Variants in MPDZ observed in about 807,000 individuals in gnomAD.
MPDZ encodes multiple PDZ domain protein.
A neutral mutation model predicts 239.1 loss-of-function variants in MPDZ; 234 were observed. That is an observed-to-expected ratio of 0.98 (90% CI 0.88 to 1.09). The LOEUF is 1.09. Ranked by LOEUF, MPDZ falls within the 50% of genes least tolerant of loss-of-function variation. MPDZ has a pLI of 0.00. For synonymous variants in MPDZ, 1,048 were observed against 881.3 expected (o/e 1.19, Z -3.35); for missense variants, 3,175 against 2,510.0 (o/e 1.26, Z -5.66).
At chr9:13,151,838 A>G (rs1219218981) in intron 24 of MPDZ, among the ~76,000 whole-genome samples, 1 of 152,016 alleles carries the variant, frequency 6.6e-6, no homozygotes, top group Non-Finnish European at 1.5e-5. Flanking sequence ...AATGTCATAT[A>G]TGTTAATTTT....
Position 13,138,082 on chromosome 9 carries a change from C to A in MPDZ, c.4075G>T (p.Gly1359Cys), listed in dbSNP as rs745696435. Residue 1359 changes from glycine to cysteine, a missense_variant, in exon 29 of 47, where the codon GGT becomes TGT. Gly to Cys is a radical substitution (Grantham distance 159). Transcript: ENST00000319217. ...HMIELEKGHS[G>C]LGLSLAGNKD... ...TTCCCAGCAAGACTTAGGCCCAAAC[C>A]ACTATGACCTTTCTCCAGTTCAATC... 1 of 1,613,662 alleles carries A rather than the reference C, an allele frequency of 6.2e-7. No homozygotes were observed. The highest frequency in any genetic ancestry group is 2.2e-5 in the East Asian group (1 of 44,834).
Position 13,107,012 on chromosome 9 carries a change from T to C in MPDZ, c.6166A>G (p.Ile2056Val), listed in dbSNP as rs375734908. ...EGVTHEEAVAILKRTKGTVTL... is the reference protein window; with the variant it reads ...EGVTHEEAVAVLKRTKGTVTL... ...ACAGTGCCTTTTGTCCGTTTAAGGA[T>C]GGCAACAGCTTCTTCATGGGTGACT... Residue 2056 changes from isoleucine (I) to valine (V), a missense_variant, in exon 47 of 47, where the codon ATC becomes GTC. Ile to Val is a conservative substitution (Grantham distance 29). Transcript: ENST00000319217. 14 of 1,613,430 alleles carry C rather than the reference T, an allele frequency of 8.7e-6. No homozygotes were observed. Among genetic ancestry groups the C allele is most frequent in the Non-Finnish European group, 1.2e-5 (14 of 1,179,544 alleles).
rs34605667 is a variant in MPDZ, at chr9:13,112,025, C to T, written c.5723G>A (p.Arg1908Lys). 0.039 allele frequency: 62,186 copies of T among 1,613,092 alleles called. 1,421 individuals are homozygous for T. Among genetic ancestry groups the T allele is most frequent in the Non-Finnish European group, 0.044 (51,323 of 1,179,304 alleles). ...TCTAGGGTTGATAGTACGACTCACT[C>T]TGAGTTTTTGGGTCTGTGCTGCAAC... is the stretch of plus-strand genomic sequence containing the variant. ...TGVAAQTQKL[R>K]VGDRIVTICG... Residue 1908 changes from arginine (R) to lysine (K), a missense_variant and splice_region_variant, in exon 43 of 47, where the codon AGA becomes AAA. Coordinates refer to ENST00000319217, the MANE Select transcript of MPDZ (RefSeq NM_001378778.1).
At chr9:13,192,758 A>G (rs897810160) in intron 14 of MPDZ, among the ~76,000 whole-genome samples, 1 of 152,208 alleles carries the variant, frequency 6.6e-6, no homozygotes, top group African/African-American at 2.4e-5. Flanking sequence ...GCAGATTACA[A>G]AGAAGCAAAT....
At chr9:13,248,282 A>G (rs749354443) in intron 2 of MPDZ, among the ~76,000 whole-genome samples, 3 of 151,994 alleles carry the variant, frequency 2.0e-5, no homozygotes, top group Admixed American at 2.0e-4. Context: ...TGGAGTACAA[A>G]AATACAAAAC....
chr9:13,219,369 C>A (rs1485313474), intron 8 of MPDZ, among the ~76,000 whole-genome samples, 190 bp downstream of exon 8: 3 of 151,866 alleles, frequency 2.0e-5, no homozygotes, highest in Non-Finnish European at 4.4e-5. Context: ...ACCTATTTTT[C>A]ATTTGTTTTA....
intron 10 of MPDZ, among the ~76,000 whole-genome samples, chr9:13,207,256 A>G (rs895820740): frequency 1.4e-4 from 22 of 152,180 alleles, no homozygotes; most frequent in African/African-American, 5.3e-4. Flanking sequence ...TTTCCAAAAT[A>G]TAGATATGAT....
At chr9:13,134,703 CCTCT>C (rs1438194057) in intron 31 of MPDZ, 3 of 152,158 alleles carry the variant, frequency 2.0e-5, no homozygotes, top group African/African-American at 7.3e-5. Context: ...CTAGCCACTG[CCTCT>C]CTCTCTCCTT....
chr9:13,259,378 G>A (rs1209486377), intron 1 of MPDZ, among the ~76,000 whole-genome samples: 2 of 152,088 alleles, frequency 1.3e-5, no homozygotes, highest in Non-Finnish European at 1.5e-5. Context: ...AAGGTCAAGG[G>A]AGTAGAAAAG....
In MPDZ at chr9:13,122,050, C is replaced by A. The variant is rs780100395; in HGVS notation, c.5037+37G>T. On this transcript the variant is annotated intron_variant, in intron 37 of 46. Transcript: ENST00000319217. The stretch of plus-strand genomic sequence containing the variant: ...AACACTCCCCCCAGGAGCCTTTTCT[C>A]TGTTAATTTTGAAGGTCAAAAACAG... 5 of 1,610,142 alleles carry A rather than the reference C, an allele frequency of 3.1e-6. No individual in the cohort carries two copies. The South Asian group carries it at 5.5e-5, about 18-fold the overall frequency.
intron 10 of MPDZ, among the ~76,000 whole-genome samples, chr9:13,211,669 A>G (rs1957634632): frequency 6.6e-6 from 1 of 152,126 alleles, no homozygotes; most frequent in Non-Finnish European, 1.5e-5. Context: ...GTAACAACAA[A>G]CTGTAAACAA....
intron 23 of MPDZ, among the ~76,000 whole-genome samples, chr9:13,158,324 G>A (rs541678449): frequency 6.6e-6 from 1 of 152,112 alleles, no homozygotes; most frequent in Non-Finnish European, 1.5e-5. Flanking sequence ...CCATAGCGTA[G>A]AGCTGAACAC....
chr9:13,155,648 T>A (rs894516127), intron 24 of MPDZ, among the ~76,000 whole-genome samples: 4 of 152,192 alleles, frequency 2.6e-5, no homozygotes, highest in African/African-American at 9.7e-5. Flanking sequence ...TTTTATAATC[T>A]TAAAATTTAT....
intron 31 of MPDZ, chr9:13,134,814 T>C (rs1407778447): frequency 6.6e-6 from 1 of 152,282 alleles, no homozygotes; most frequent in Non-Finnish European, 1.5e-5. Context: ...CACTGGATTC[T>C]TGCTACATGG....
At chr9:13,199,348 A>C (rs1320696935) in intron 12 of MPDZ, among the ~76,000 whole-genome samples, 2 of 151,842 alleles carry the variant, frequency 1.3e-5, no homozygotes, top group East Asian at 3.9e-4. Context: ...TTTTATGTTG[A>C]GTATGTATCC....
chr9:13,125,276 T>C lies in MPDZ; in HGVS notation c.4747A>G (p.Asn1583Asp), dbSNP rs1236073393. Residue 1583 changes from asparagine to aspartate, a missense_variant, in exon 35 of 47, where the codon AAC becomes GAC. Asn to Asp is a conservative substitution (Grantham distance 23). Coordinates refer to ENST00000319217, the MANE Select transcript of MPDZ (RefSeq NM_001378778.1). ...AAGAASGEKK[N>D]SSQSLMVPQS... ...GGGACCATCAGAGACTGGGAGCTGT[T>C]CTTTTTTTCTCCACTGGCTGCACCA... The C allele has an allele frequency of 1.2e-5, 20 of 1,613,434 alleles. No individual in the cohort carries two copies. Among genetic ancestry groups the C allele is most frequent in the Non-Finnish European group, 1.7e-5 (20 of 1,179,572 alleles).
chr9:13,203,261 G>C (rs185379226), intron 12 of MPDZ, among the ~76,000 whole-genome samples: 1 of 152,164 alleles, frequency 6.6e-6, no homozygotes, highest in Non-Finnish European at 1.5e-5. Context: ...GATTCTGCAA[G>C]AGAAACAGGA....
intron 1 of MPDZ, among the ~76,000 whole-genome samples, chr9:13,278,594 C>G (rs1588298009): frequency 6.6e-6 from 1 of 152,222 alleles, no homozygotes; most frequent in Non-Finnish European, 1.5e-5. Context: ...CATCGCTTCC[C>G]TGGTAACATC....
intron 1 of MPDZ, among the ~76,000 whole-genome samples, chr9:13,250,802 T>C (rs1164031608): frequency 6.6e-6 from 1 of 152,060 alleles, no homozygotes; most frequent in Non-Finnish European, 1.5e-5. Flanking sequence ...CTCACACTCC[T>C]AACTGAGGAG....
Sources: allele counts gnomAD v4.1 joint callset (sites outside exome capture counted in the v4.1 genomes callset), GRCh38; gene constraint gnomAD v4.1.1; transcripts MANE v1.5; gene names NCBI Gene and HGNC (gene_info 2026-07-23, HGNC 2026-07-21).